GLIS3: variants seen among roughly 807,000 people sequenced by gnomAD.
GLIS3 encodes GLIS family zinc finger 3, also known as zinc finger protein GLIS3.
In GLIS3, 53 loss-of-function variants were observed where a neutral mutation model predicts 78.6. The observed-to-expected ratio is 0.67, with a 90% CI of 0.54 to 0.85. The LOEUF is 0.85. Among genes scored for constraint, GLIS3 ranks in the 40% least tolerant of loss-of-function variants. The probability of loss-of-function intolerance (pLI) is 0.00; values close to 1 mark genes in which losing one functional copy is unlikely to be tolerated. For synonymous variants in GLIS3, 684 were observed against 509.9 expected (o/e 1.34, Z -4.60); for missense variants, 1,703 against 1,231.1 (o/e 1.38, Z -5.74).
In GLIS3 at chr9:3,895,033, T is replaced by C. The variant is rs183830610; in HGVS notation, c.2128+3658A>G. 4.4e-4 allele frequency among the ~76,000 whole-genome samples: 67 copies of C among 152,332 alleles called. 1 individual carries two copies. Among genetic ancestry groups the C allele is most frequent in the Admixed American group, 7.2e-4 (11 of 15,302 alleles). Reference sequence around the variant, plus strand: ...AAAGGAGCCATAATTTTTGTGGTCATTCATGGGACAGATCATCTTCCATAC... The same window carrying C: ...AAAGGAGCCATAATTTTTGTGGTCACTCATGGGACAGATCATCTTCCATAC... On this transcript the variant is annotated intron_variant, in intron 7 of 10. Coordinates refer to ENST00000381971, the MANE Select transcript of GLIS3 (RefSeq NM_001042413.2).
At chr9:4,490,092 G>T in the GLIS3 span, among the ~76,000 whole-genome samples, 1 of 152,232 alleles carries the variant, frequency 6.6e-6, no homozygotes, top group Non-Finnish European at 1.5e-5. Context: ...TGCCGGCGCT[G>T]GAAATAGCTG....
At chr9:4,395,104 C>T in the GLIS3 span, among the ~76,000 whole-genome samples, 1 of 152,282 alleles carries the variant, frequency 6.6e-6, no homozygotes, top group Admixed American at 6.5e-5. Context: ...TTGCATGTCT[C>T]CAACATACCT....
intron 4 of GLIS3, among the ~76,000 whole-genome samples, chr9:4,041,336 C>T (rs556881590): frequency 2.0e-5 from 3 of 152,334 alleles, no homozygotes; most frequent in Non-Finnish European, 4.4e-5. Flanking sequence ...GTGCACAGAA[C>T]AGCCTCTGCT....
chr9:4,301,122 T>A (rs547577675), upstream of GLIS3, among the ~76,000 whole-genome samples: 37 of 152,290 alleles, frequency 2.4e-4, 1 homozygote, highest in African/African-American at 8.2e-4. Context: ...GTGGGAATAC[T>A]ACTAGGCTTG....
At chr9:3,898,270 A>G in intron 7 of GLIS3, 1 of 267,560 alleles carries the variant, frequency 3.7e-6, no homozygotes, top group South Asian at 4.4e-5. Flanking sequence ...TGGTTTGCTG[A>G]TGTGAAAATT....
chr9:4,387,636 C>G, the GLIS3 span, among the ~76,000 whole-genome samples: 1 of 152,166 alleles, frequency 6.6e-6, no homozygotes, highest in Non-Finnish European at 1.5e-5. Flanking sequence ...TAAACCAAAT[C>G]TCCTAAAATT....
intron 2 of GLIS3, among the ~76,000 whole-genome samples, chr9:4,149,947 CTT>C (rs1367870691): frequency 6.6e-6 from 1 of 152,212 alleles, no homozygotes; most frequent in South Asian, 2.1e-4. Flanking sequence ...GATTTACTAA[CTT>C]TTTATTCACG....
chr9:4,069,393 C>T (rs1180499635), intron 4 of GLIS3, among the ~76,000 whole-genome samples: 1 of 152,136 alleles, frequency 6.6e-6, no homozygotes, highest in Non-Finnish European at 1.5e-5. Context: ...TTGCTATCTC[C>T]AGGAGAGAGC....
At chr9:4,046,351 C>A (rs1211762519) in intron 4 of GLIS3, among the ~76,000 whole-genome samples, 1 of 152,020 alleles carries the variant, frequency 6.6e-6, no homozygotes, top group East Asian at 1.9e-4. Context: ...CAGTAAAGAC[C>A]CTGAATGGTA....
chr9:3,932,440 T>A lies in GLIS3; in HGVS notation c.1903A>T (p.Thr635Ser), dbSNP rs1223577686. 6.2e-7 allele frequency: 1 copy of A among 1,613,740 alleles called. No individual in the cohort carries two copies. Among genetic ancestry groups the A allele is most frequent in the Non-Finnish European group, 8.5e-7 (1 of 1,179,700 alleles). Residue 635 changes from threonine (T) to serine (S), a missense_variant, in exon 6 of 11, where the codon ACC (threonine) becomes TCC (serine). Transcript: ENST00000381971. ...KPYACQIPGC[T>S]KRYTDPSSLR... ...GAACTTGGGTCTGTGTAGCGTTTGG[T>A]ACATCCTGGAATTTGACAAGCATAA... is the stretch of plus-strand genomic sequence containing the variant.
chr9:4,288,959 T>C (rs886675225), intron 1 of GLIS3, among the ~76,000 whole-genome samples: 4 of 152,166 alleles, frequency 2.6e-5, no homozygotes, highest in Admixed American at 6.5e-5. Flanking sequence ...CATTAGATAT[T>C]AGAATGTAAA....
intron 2 of GLIS3, among the ~76,000 whole-genome samples, chr9:4,161,259 C>A (rs1168216678): frequency 6.6e-6 from 1 of 151,738 alleles, no homozygotes; most frequent in Non-Finnish European, 1.5e-5. Flanking sequence ...GGAGACAAAG[C>A]GAGACCCTGT....
intron 2 of GLIS3, among the ~76,000 whole-genome samples, chr9:4,226,880 G>C (rs1427371399): frequency 6.6e-6 from 1 of 152,162 alleles, no homozygotes; most frequent in Non-Finnish European, 1.5e-5. Context: ...AATTAGTTTG[G>C]AGTAAATTCC....
chr9:4,096,700 C>T (rs939491299), intron 4 of GLIS3, among the ~76,000 whole-genome samples: 32 of 151,978 alleles, frequency 2.1e-4, no homozygotes, highest in African/African-American at 7.2e-4. Context: ...ATGAAGGGGG[C>T]GGAGAACAGC....
chr9:4,441,012 A>G, the GLIS3 span, among the ~76,000 whole-genome samples: 1 of 152,096 alleles, frequency 6.6e-6, no homozygotes, highest in South Asian at 2.1e-4. Context: ...TGTATCCTGC[A>G]ACTTTACTAA....
chr9:4,191,998 C>G (rs1300829957), intron 2 of GLIS3, among the ~76,000 whole-genome samples: 1 of 151,914 alleles, frequency 6.6e-6, no homozygotes, highest in South Asian at 2.1e-4. Context: ...TAAAATGTGT[C>G]TATATATCTT....
At chr9:4,219,332 T>G (rs973823064) in intron 2 of GLIS3, among the ~76,000 whole-genome samples, 1 of 152,204 alleles carries the variant, frequency 6.6e-6, no homozygotes, top group South Asian at 2.1e-4. Context: ...TTAGAACTTT[T>G]TAAACACTGT....
chr9:3,844,980 T>G (rs1375862351), intron 9 of GLIS3, among the ~76,000 whole-genome samples: 1 of 152,166 alleles, frequency 6.6e-6, no homozygotes, highest in African/African-American at 2.4e-5. Context: ...TATGTGTCAA[T>G]ACCTATCCAA....
intron 2 of GLIS3, among the ~76,000 whole-genome samples, chr9:4,243,631 T>C (rs1823533528): frequency 6.6e-6 from 1 of 152,212 alleles, no homozygotes; most frequent in Non-Finnish European, 1.5e-5. Context: ...TAATAGCCAT[T>C]TTCAAATATG....
Sources: allele counts gnomAD v4.1 joint callset (sites outside exome capture counted in the v4.1 genomes callset), GRCh38; gene constraint gnomAD v4.1.1; transcripts MANE v1.5; gene names NCBI Gene and HGNC (gene_info 2026-07-23, HGNC 2026-07-21).